Variants in ZNF431 observed in about 807,000 individuals in gnomAD.
ZNF431 encodes zinc finger protein 431.
ZNF431 carries 34 observed loss-of-function variants against 57.0 expected under a neutral mutation model. The ratio of observed to expected loss-of-function variants is 0.60; its 90% CI spans 0.45 to 0.79. The LOEUF (loss-of-function observed/expected upper bound fraction) is 0.79, where lower values mean the gene tolerates loss of function less well. Ranked by LOEUF, ZNF431 falls within the 30% of genes least tolerant of loss-of-function variation. ZNF431 has a pLI of 0.00. For missense variants in ZNF431, 607 were observed against 667.1 expected (o/e 0.91, Z 0.99); for synonymous variants, 207 against 220.3 (o/e 0.94, Z 0.54).
intron 2 of ZNF431, among the ~76,000 whole-genome samples, chr19:21,150,726 G>C (rs992818489): frequency 6.6e-6 from 1 of 152,164 alleles, no homozygotes. Flanking sequence ...ATCCAAATAT[G>C]AAGAACTGAG....
chr19:21,182,719 A>G lies in ZNF431; in HGVS notation c.416A>G (p.His139Arg). 1 of 1,613,944 alleles carries G rather than the reference A, an allele frequency of 6.2e-7. No individual in the cohort carries two copies. The highest frequency in any genetic ancestry group is 8.5e-7 in the Non-Finnish European group (1 of 1,179,878). ...CTGAGAAGATATGGCAAATGTGAAC[A>G]TGAGAATTTACAGTTAAGAAAAGGC... ...VILRRYGKCE[H>R]ENLQLRKGSA... Residue 139 changes from histidine (H) to arginine (R), a missense_variant, in exon 5 of 5, where the codon CAT becomes CGT. Transcript: ENST00000311048.
At position 21,150,264 on chromosome 19, in the gene ZNF431, A is replaced by T. The variant is rs551346404; in HGVS notation, c.96+6621A>T. 6.0e-5 allele frequency: 30 copies of T among 503,920 alleles called. No individual in the cohort carries two copies. In the East Asian group the frequency reaches 1.4e-3, roughly 24 times the overall value. The allele number at this position is 503,920 out of a possible 1,614,324, so 31.2% of individuals were successfully genotyped here. A position where few individuals can be genotyped will look rare whatever the true frequency, so the allele number is the denominator to read the frequency against. ...GATGGCTCTTTGCTGCTGCAACCTG[A>T]TATAGTGGGGCCATTTCGGGTGAGG... On this transcript the variant is annotated intron_variant, in intron 2 of 4. Transcript: ENST00000311048.
At chr19:21,175,547 CTGCA>C in intron 4 of ZNF431, 1 of 607,596 alleles carries the variant, frequency 1.6e-6, no homozygotes, top group South Asian at 2.0e-5. Flanking sequence ...GTGATAAGCC[CTGCA>C]TGCATTAGCT....
chr19:21,166,204 G>C, intron 2 of ZNF431, 131 bp from the exon 3 acceptor site: 4 of 1,354,724 alleles, frequency 3.0e-6, no homozygotes, highest in Middle Eastern at 1.9e-4. Context: ...AAAATTATTG[G>C]ATAATTTCAG....
At chr19:21,166,161 TAGG>T (rs113319916) in intron 2 of ZNF431, among the ~76,000 whole-genome samples, 171 bp from the exon 3 acceptor site, 11,735 of 152,124 alleles carry the variant, frequency 0.077, 1,500 homozygotes, top group African/African-American at 0.27. Context: ...GCCCTCAGAG[TAGG>T]AGAATACATT....
At chr19:21,157,685 C>G (rs950124780) in intron 2 of ZNF431, among the ~76,000 whole-genome samples, 1 of 151,992 alleles carries the variant, frequency 6.6e-6, no homozygotes, top group Middle Eastern at 3.4e-3. Flanking sequence ...GTGTGCGCCA[C>G]CACGCCTGGC....
chr19:21,142,061 T>C lies in ZNF431; in HGVS notation c.-123T>C. 7.6e-7 allele frequency: 1 copy of C among 1,324,350 alleles called. No homozygotes were observed. Among genetic ancestry groups the C allele is most frequent in the Middle Eastern group, 1.8e-4 (1 of 5,422 alleles). 82.0% of individuals were successfully genotyped at this position (1,324,350 alleles called of 1,614,324 possible). A position where few individuals can be genotyped will look rare whatever the true frequency, so the allele number is the denominator to read the frequency against. On this transcript the variant is annotated 5_prime_UTR_variant, in exon 1 of 5. Coordinates refer to ENST00000311048, the MANE Select transcript of ZNF431 (RefSeq NM_133473.4). ...CTTTGTCTCTCGCCGCAGCCTGAGC[T>C]CCAGGTCTCCCCTTCGCTGCTCTGT...
At chr19:21,173,236 A>G (rs896002452) in intron 4 of ZNF431, among the ~76,000 whole-genome samples, 1 of 152,238 alleles carries the variant, frequency 6.6e-6, no homozygotes, top group Non-Finnish European at 1.5e-5. Flanking sequence ...GAGTAAGGGT[A>G]CAATAAACAT....
intron 4 of ZNF431, among the ~76,000 whole-genome samples, chr19:21,175,864 T>G (rs1971034644): frequency 6.6e-6 from 1 of 152,220 alleles, no homozygotes; most frequent in Admixed American, 6.5e-5. Context: ...TTTGCTATTG[T>G]GAATGTTGCT....
chr19:21,190,648 T>C lies in ZNF431; in HGVS notation c.*6614T>C, dbSNP rs1971490596. The C allele has an allele frequency of 7.1e-6, 1 of 141,596 alleles. No individual in the cohort carries two copies. The highest frequency in any genetic ancestry group is 7.5e-5 in the Admixed American group (1 of 13,280). The allele number at this position is 141,596 out of a possible 1,614,324, so 8.8% of individuals were successfully genotyped here. On this transcript the variant is annotated 3_prime_UTR_variant, in exon 5 of 5. Transcript: ENST00000311048. ...TGACTTTTCTTGAAAAATATTTATT[T>C]CAGCTATTTCCTTTTTTTTTTTTTT...
rs1416422970 is a variant in ZNF431 at position 21,143,635 on chromosome 19, T to C, written c.88T>C (p.Phe30Leu). ...GAGGAATCTTCTAGTTTACTCTTAT[T>C]TTGAAAAGGTAACCTCTTGAGACAT... The part of the protein sequence containing the change: ...AERNLLVYSY[F>L]EKETLTFRDV... The change falls in exon 2 of 5, where the codon TTT (phenylalanine) becomes CTT (leucine). Residue 30 changes from phenylalanine (F) to leucine (L), a missense_variant. Coordinates refer to ENST00000311048, the MANE Select transcript of ZNF431 (RefSeq NM_133473.4). The C allele has an allele frequency of 6.2e-7, 1 of 1,613,274 alleles. No individual in the cohort carries two copies.
chr19:21,155,255 C>A (rs565550200), intron 2 of ZNF431, among the ~76,000 whole-genome samples: 1 of 152,136 alleles, frequency 6.6e-6, no homozygotes, highest in Non-Finnish European at 1.5e-5. Context: ...CCAGTTTTCC[C>A]AGCACCATTT....
At chr19:21,154,472 A>G (rs1040931347) in intron 2 of ZNF431, among the ~76,000 whole-genome samples, 33 of 152,346 alleles carry the variant, frequency 2.2e-4, no homozygotes, top group Middle Eastern at 3.4e-3. Flanking sequence ...TAGTGCTGCA[A>G]TAAACATATG....
At chr19:21,179,768 C>G (rs1971162311) in intron 4 of ZNF431, among the ~76,000 whole-genome samples, 1 of 152,080 alleles carries the variant, frequency 6.6e-6, no homozygotes, top group Middle Eastern at 3.2e-3. Context: ...CCATATTGGT[C>G]AGGCTGGTCT....
chr19:21,164,380 T>C (rs1279710990), intron 2 of ZNF431, among the ~76,000 whole-genome samples: 1 of 152,102 alleles, frequency 6.6e-6, no homozygotes, highest in Non-Finnish European at 1.5e-5. Flanking sequence ...AGGGCACCTG[T>C]GGACAGGAAA....
chr19:21,150,376 C>T (rs1490143282), intron 2 of ZNF431: 9 of 367,922 alleles, frequency 2.4e-5, no homozygotes, highest in Non-Finnish European at 4.6e-5. Context: ...TGGCCTCCTG[C>T]TTCTTCACAA....
In ZNF431 at chr19:21,192,694, A is replaced by G. The variant is rs1348727845; in HGVS notation, c.*8660A>G. ...CTCTTAGAGTAAAAGCTTACAACATATCCCTGTTTAGTATGTTGTTAGCAG... is the reference window on the plus strand; with the variant it reads ...CTCTTAGAGTAAAAGCTTACAACATGTCCCTGTTTAGTATGTTGTTAGCAG... On this transcript the variant is annotated 3_prime_UTR_variant, in exon 5 of 5. Coordinates refer to ENST00000311048, the MANE Select transcript of ZNF431 (RefSeq NM_133473.4). 1 of 152,172 alleles carries G rather than the reference A, an allele frequency of 6.6e-6. No individual in the cohort carries two copies. Among genetic ancestry groups the G allele is most frequent in the African/African-American group, 2.4e-5 (1 of 41,428 alleles). 9.4% of individuals were successfully genotyped at this position (152,172 alleles called of 1,614,324 possible).
At position 21,142,969 on chromosome 19, in the gene ZNF431, A is replaced by G. The variant is rs1969982246; in HGVS notation, c.4-582A>G. Among the ~76,000 whole-genome samples the G allele has an allele frequency of 2.6e-5, 4 of 152,250 alleles. No individual in the cohort carries two copies. The South Asian group carries it at 6.2e-4, about 24-fold the overall frequency. ...TTGCCTGCCTTTTAATTATTTTCAC[A>G]GTCCATGGGGAGCTGATTTTCCGCT... On this transcript the variant is annotated intron_variant, in intron 1 of 4. Transcript: ENST00000311048.
rs1022754413 is a variant in ZNF431 at position 21,187,767 on chromosome 19, A to G, written c.*3733A>G. 6.6e-6 allele frequency: 1 copy of G among 152,186 alleles called. No homozygotes were observed. Among genetic ancestry groups the G allele is most frequent in the African/African-American group, 2.4e-5 (1 of 41,438 alleles). 9.4% of individuals were successfully genotyped at this position (152,186 alleles called of 1,614,324 possible). On this transcript the variant is annotated 3_prime_UTR_variant, in exon 5 of 5. Transcript: ENST00000311048. ...AAAAAGAGAAATTCTTTTATTTTCT[A>G]CTTCTCTTCAGATTTGTCTTATGCA...
Sources: allele counts gnomAD v4.1 joint callset (sites outside exome capture counted in the v4.1 genomes callset), GRCh38; gene constraint gnomAD v4.1.1; transcripts MANE v1.5; gene names NCBI Gene and HGNC (gene_info 2026-07-23, HGNC 2026-07-21).